Variants in AAK1 observed in about 807,000 individuals in gnomAD.
AAK1 encodes AP2 associated kinase 1.
A neutral mutation model predicts 116.0 loss-of-function variants in AAK1; 37 were observed. The ratio of observed to expected loss-of-function variants is 0.32; its 90% CI spans 0.25 to 0.42. The LOEUF (loss-of-function observed/expected upper bound fraction) is 0.42, where lower values mean the gene tolerates loss of function less well. Among genes scored for constraint, AAK1 ranks in the 10% least tolerant of loss-of-function variants. The probability of loss-of-function intolerance (pLI) is 1.00; values close to 1 mark genes in which losing one functional copy is unlikely to be tolerated. For missense variants in AAK1, 919 were observed against 1,170.6 expected, an observed-to-expected ratio of 0.79 and a Z score of 3.14; for synonymous variants, 458 against 439.9, an observed-to-expected ratio of 1.04 and a Z score of -0.51.
At chr2:69,481,046 CTTTT>C (rs1430622754) in intron 18 of AAK1, 85 bp from the exon 19 acceptor site, 2 of 1,150,500 alleles carry the variant, frequency 1.7e-6, no homozygotes, top group Non-Finnish European at 2.4e-6. Flanking sequence ...AAGCTTTCTT[CTTTT>C]TTTTTAATTC....
At chr2:69,492,045 A>C (rs6546524) in intron 17 of AAK1, among the ~76,000 whole-genome samples, 91,502 of 151,880 alleles carry the variant, frequency 0.6, 28,285 homozygotes, top group East Asian at 0.79. Flanking sequence ...AACACTAAGG[A>C]CTCACTTCCT....
chr2:69,575,464 A>ATTTT (rs947872572), intron 2 of AAK1, among the ~76,000 whole-genome samples: 2 of 134,410 alleles, frequency 1.5e-5, no homozygotes, highest in African/African-American at 2.8e-5. Context: ...AGATAAACAA[A>ATTTT]TTTTTTTTTT....
chr2:69,487,794 T>C (rs1184150560), intron 17 of AAK1, among the ~76,000 whole-genome samples: 1 of 149,680 alleles, frequency 6.7e-6, no homozygotes, highest in East Asian at 1.9e-4. Context: ...TTGCTTTTTT[T>C]TTTTTTTTTT....
chr2:69,475,709 C>G lies in AAK1; in HGVS notation c.*160G>C. 1 of 1,392,878 alleles carries G rather than the reference C, an allele frequency of 7.2e-7. No homozygotes were observed. The highest frequency in any genetic ancestry group is 9.3e-7 in the Non-Finnish European group (1 of 1,073,298). The allele number at this position is 1,392,878 out of a possible 1,614,324, so 86.3% of individuals were successfully genotyped here. On this transcript the variant is annotated 3_prime_UTR_variant, in exon 22 of 22. Coordinates refer to ENST00000409085, the MANE Select transcript of AAK1 (RefSeq NM_014911.5). Reference sequence around the variant, plus strand: ...TGGAGGGCCAAAGTGATTTTCTTTCCTTATCATTTCTACAGGAGAAGGCAA... The same window carrying G: ...TGGAGGGCCAAAGTGATTTTCTTTCGTTATCATTTCTACAGGAGAAGGCAA...
intron 17 of AAK1, among the ~76,000 whole-genome samples, chr2:69,494,970 G>A (rs1316976715): frequency 2.0e-5 from 3 of 152,084 alleles, no homozygotes; most frequent in South Asian, 2.1e-4. Flanking sequence ...TATGAACATC[G>A]CAGTCACTTC....
At chr2:69,479,401 G>A (rs1360508208) in intron 19 of AAK1, among the ~76,000 whole-genome samples, 1 of 152,122 alleles carries the variant, frequency 6.6e-6, no homozygotes, top group East Asian at 1.9e-4. Flanking sequence ...TAGAAATAGA[G>A]GATAATTTTT....
At chr2:69,578,184 C>T (rs1033800329) in intron 2 of AAK1, among the ~76,000 whole-genome samples, 1 of 152,132 alleles carries the variant, frequency 6.6e-6, no homozygotes, top group African/African-American at 2.4e-5. Context: ...GCACACATCC[C>T]GATAGGGTTA....
intron 2 of AAK1, among the ~76,000 whole-genome samples, chr2:69,557,244 A>T (rs1005468890): frequency 6.6e-6 from 1 of 152,162 alleles, no homozygotes; most frequent in Non-Finnish European, 1.5e-5. Flanking sequence ...TTTTCCAAAT[A>T]ACCTACAAAT....
At chr2:69,617,715 G>C (rs1674401860) in intron 2 of AAK1, among the ~76,000 whole-genome samples, 1 of 152,180 alleles carries the variant, frequency 6.6e-6, no homozygotes. Context: ...TAAAAGAAGT[G>C]AACAGACATT....
chr2:69,629,452 G>A (rs191281365), intron 2 of AAK1, among the ~76,000 whole-genome samples: 2 of 152,250 alleles, frequency 1.3e-5, no homozygotes, highest in East Asian at 1.9e-4. Context: ...GGTACCAGAC[G>A]CCAATAATTT....
chr2:69,527,449 T>C, intron 8 of AAK1, 130 bp from the exon 9 acceptor site: 3 of 624,116 alleles, frequency 4.8e-6, no homozygotes, highest in Admixed American at 2.6e-5. Context: ...TCAGACAGTA[T>C]AATTATCCCC....
At chr2:69,499,983 T>C (rs1432986070) in intron 16 of AAK1, 6 of 152,220 alleles carry the variant, frequency 3.9e-5, no homozygotes, top group Admixed American at 2.6e-4. Flanking sequence ...AGAGGCACCA[T>C]GTGAAGTTTT....
intron 2 of AAK1, among the ~76,000 whole-genome samples, chr2:69,561,365 A>G (rs79352962): frequency 0.039 from 5,916 of 152,312 alleles, 380 homozygotes; most frequent in African/African-American, 0.14. Flanking sequence ...ATGAGTTTAC[A>G]GAATACTCCT....
At chr2:69,573,051 A>G (rs1285716482) in intron 2 of AAK1, among the ~76,000 whole-genome samples, 1 of 152,220 alleles carries the variant, frequency 6.6e-6, no homozygotes. Flanking sequence ...CCTGAAGCAG[A>G]GACCTAGCAT....
At chr2:69,482,370 A>C (rs986289387) in intron 18 of AAK1, 10 of 529,184 alleles carry the variant, frequency 1.9e-5, no homozygotes, top group Non-Finnish European at 3.3e-5. Context: ...AAAAAAAAAA[A>C]GAAGAATCTG....
intron 15 of AAK1, among the ~76,000 whole-genome samples, chr2:69,506,170 TAAG>T (rs1173186938): frequency 2.0e-5 from 3 of 152,008 alleles, no homozygotes; most frequent in Non-Finnish European, 4.4e-5. Flanking sequence ...AGCTGAACAG[TAAG>T]AAAAGGGAGA....
In AAK1 at chr2:69,607,097, G is replaced by T. The variant is rs115943056; in HGVS notation, c.163+35781C>A. Among the ~76,000 whole-genome samples, 1,138 of 151,314 alleles carry T rather than the reference G, an allele frequency of 7.5e-3. 7 individuals carry two copies. The highest frequency in any genetic ancestry group is 0.012 in the Non-Finnish European group (782 of 67,920). On this transcript the variant is annotated intron_variant, in intron 2 of 21. Coordinates refer to ENST00000409085, the MANE Select transcript of AAK1 (RefSeq NM_014911.5). ...GCGTTAGATTGTGATAAACGCTGTG[G>T]AGAAAAATAAAGCAAGAAGGTTTGA...
At chr2:69,530,235 C>A in intron 7 of AAK1, 95 bp from the exon 8 acceptor site, 1 of 1,294,702 alleles carries the variant, frequency 7.7e-7, no homozygotes. Context: ...CATTTACTAG[C>A]AGATACAAAA....
chr2:69,595,606 G>A (rs1673246548), intron 2 of AAK1, among the ~76,000 whole-genome samples: 2 of 152,220 alleles, frequency 1.3e-5, no homozygotes, highest in Admixed American at 1.3e-4. Context: ...AGCCAGCAGA[G>A]GTTGGTTCAT....
Sources: allele counts gnomAD v4.1 joint callset (sites outside exome capture counted in the v4.1 genomes callset), GRCh38; gene constraint gnomAD v4.1.1; transcripts MANE v1.5; gene names NCBI Gene and HGNC (gene_info 2026-07-23, HGNC 2026-07-21).